Variants in CNTNAP2 observed in about 807,000 individuals in gnomAD.
CNTNAP2 encodes the protein contactin associated protein 2, also known as contactin-associated protein-like 2.
A neutral mutation model predicts 155.2 loss-of-function variants in CNTNAP2; 98 were observed. That is an observed-to-expected ratio of 0.63 (90% CI 0.54 to 0.75). The LOEUF (loss-of-function observed/expected upper bound fraction) is 0.75. CNTNAP2 is among the 30% of genes least tolerant of loss of function. The pLI is 0.00. For missense variants in CNTNAP2, 1,727 were observed against 1,688.1 expected (o/e 1.02, Z -0.40); for synonymous variants, 651 against 631.2 (o/e 1.03, Z -0.47).
At chr7:146,581,483 A>T (rs1798609802) in intron 1 of CNTNAP2, among the ~76,000 whole-genome samples, 1 of 152,138 alleles carries the variant, frequency 6.6e-6, no homozygotes, top group Admixed American at 6.6e-5. Flanking sequence ...GAAAACAATA[A>T]TATTTTAACT....
chr7:148,293,903 C>G (rs147305406), intron 21 of CNTNAP2, among the ~76,000 whole-genome samples: 1 of 151,708 alleles, frequency 6.6e-6, no homozygotes, highest in African/African-American at 2.4e-5. Context: ...GTCATGGTGG[C>G]GCATTACTAT....
chr7:146,359,256 G>A (rs530175849), intron 1 of CNTNAP2, among the ~76,000 whole-genome samples: 10 of 152,372 alleles, frequency 6.6e-5, no homozygotes, highest in African/African-American at 2.2e-4. Context: ...AGTCTGGGAA[G>A]TTGAGGAAAA....
intron 10 of CNTNAP2, among the ~76,000 whole-genome samples, chr7:147,432,872 T>C (rs2116532047): frequency 6.6e-6 from 1 of 152,308 alleles, no homozygotes; most frequent in Middle Eastern, 3.4e-3. Context: ...GCTGTGCTGC[T>C]TTCCTTCACT....
rs1798301918 is a variant in CNTNAP2, at chr7:147,817,998, G to A, written c.2099-85567G>A. Among the ~76,000 whole-genome samples, 4 of 151,496 alleles carry A rather than the reference G, an allele frequency of 2.6e-5. No homozygotes were observed. In the South Asian group the frequency reaches 6.2e-4, roughly 24 times the overall value. Reference sequence around the variant, plus strand: ...ATGAATCTAAATGATGAGTTTATGGGGATTCATTATATCATCTTTTCTGTA... The same window carrying A: ...ATGAATCTAAATGATGAGTTTATGGAGATTCATTATATCATCTTTTCTGTA... On this transcript the variant is annotated intron_variant, in intron 13 of 23. Coordinates refer to ENST00000361727, the MANE Select transcript of CNTNAP2 (RefSeq NM_014141.6).
chr7:147,204,214 C>T (rs1340838182), intron 8 of CNTNAP2, among the ~76,000 whole-genome samples: 2 of 151,502 alleles, frequency 1.3e-5, no homozygotes, highest in Non-Finnish European at 2.9e-5. Flanking sequence ...AAAATATATG[C>T]ATATAGAATA....
At chr7:147,323,346 T>G (rs1795388762) in intron 9 of CNTNAP2, among the ~76,000 whole-genome samples, 1 of 124,492 alleles carries the variant, frequency 8.0e-6, no homozygotes, top group Non-Finnish European at 1.6e-5. Flanking sequence ...CAGTAGTCAT[T>G]CAGGAGCAGG....
At chr7:148,217,056 T>A (rs894905311) in intron 18 of CNTNAP2, among the ~76,000 whole-genome samples, 2 of 152,206 alleles carry the variant, frequency 1.3e-5, no homozygotes, top group African/African-American at 4.8e-5. Flanking sequence ...GTCTCTGGTA[T>A]GTCTTTATTA....
chr7:146,449,618 C>G (rs1459640999), intron 1 of CNTNAP2, among the ~76,000 whole-genome samples: 1 of 152,122 alleles, frequency 6.6e-6, no homozygotes, highest in Non-Finnish European at 1.5e-5. Flanking sequence ...GTAGCCCTAG[C>G]TAGCCCTTTG....
At chr7:146,653,644 T>C (rs972448368) in intron 1 of CNTNAP2, among the ~76,000 whole-genome samples, 1 of 152,194 alleles carries the variant, frequency 6.6e-6, no homozygotes, top group Non-Finnish European at 1.5e-5. Context: ...AGGAAAAATG[T>C]TCCAATTCAA....
At chr7:147,146,942 T>C (rs748695215) in intron 8 of CNTNAP2, among the ~76,000 whole-genome samples, 3 of 152,224 alleles carry the variant, frequency 2.0e-5, no homozygotes, top group Non-Finnish European at 4.4e-5. Context: ...AGAAGCTTAA[T>C]TTCTTGTTTT....
Position 147,404,015 on chromosome 7 carries a change from G to A in CNTNAP2, c.1670+8235G>A, listed in dbSNP as rs143944573. 4.0e-3 allele frequency among the ~76,000 whole-genome samples: 601 copies of A among 152,070 alleles called. 4 individuals are homozygous for A. The highest frequency in any genetic ancestry group is 6.6e-3 in the Non-Finnish European group (446 of 68,000). ...TGTTAATGTCATCATTTAAGCTGGCGTCAAACTGTGCAGGCATTTCTCTTA... is the reference window on the plus strand; with the variant it reads ...TGTTAATGTCATCATTTAAGCTGGCATCAAACTGTGCAGGCATTTCTCTTA... On this transcript the variant is annotated intron_variant, in intron 10 of 23. Coordinates refer to ENST00000361727, the MANE Select transcript of CNTNAP2 (RefSeq NM_014141.6).
At chr7:147,080,159 A>G (rs551969696) in intron 4 of CNTNAP2, among the ~76,000 whole-genome samples, 5 of 152,158 alleles carry the variant, frequency 3.3e-5, no homozygotes, top group Non-Finnish European at 7.3e-5. Flanking sequence ...TTTGTTTGCT[A>G]TAAACTTGAT....
chr7:146,275,970 C>T (rs1386715425), intron 1 of CNTNAP2, among the ~76,000 whole-genome samples: 3 of 152,114 alleles, frequency 2.0e-5, no homozygotes, highest in Admixed American at 6.6e-5. Flanking sequence ...GGGTCAAGGC[C>T]GTGGATACTA....
At chr7:146,407,724 T>C (rs1298783708) in intron 1 of CNTNAP2, among the ~76,000 whole-genome samples, 1 of 152,126 alleles carries the variant, frequency 6.6e-6, no homozygotes, top group Non-Finnish European at 1.5e-5. Context: ...CAGTTGACTC[T>C]TGAACAACCT....
chr7:148,387,648 C>A (rs1799243143), intron 22 of CNTNAP2, among the ~76,000 whole-genome samples: 1 of 152,036 alleles, frequency 6.6e-6, no homozygotes, highest in Non-Finnish European at 1.5e-5. Context: ...AGCATGGTTC[C>A]CAGGTGACTT....
At chr7:146,166,134 C>G (rs1253860335) in intron 1 of CNTNAP2, among the ~76,000 whole-genome samples, 2 of 152,120 alleles carry the variant, frequency 1.3e-5, no homozygotes, top group Non-Finnish European at 2.9e-5. Flanking sequence ...ACTCTTGTTG[C>G]CCAGGCTGGA....
Position 146,721,639 on chromosome 7 carries a change from T to C in CNTNAP2, c.98-52632T>C, listed in dbSNP as rs181236466. Among the ~76,000 whole-genome samples, 747 of 89,768 alleles carry C rather than the reference T, an allele frequency of 8.3e-3. 5 individuals carry two copies. The highest frequency in any genetic ancestry group is 0.027 in the African/African-American group (277 of 10,346). 58.9% of individuals were successfully genotyped at this position (89,768 alleles called of 152,430 possible). On this transcript the variant is annotated intron_variant, in intron 1 of 23. Coordinates refer to ENST00000361727, the MANE Select transcript of CNTNAP2 (RefSeq NM_014141.6). ...ATATATTCTATATACATTCTATATA[T>C]ATTCTATATATATTCTATATACATT...
chr7:146,715,332 C>A (rs996405156), intron 1 of CNTNAP2, among the ~76,000 whole-genome samples: 1 of 152,042 alleles, frequency 6.6e-6, no homozygotes, highest in Non-Finnish European at 1.5e-5. Context: ...AACTCCATCT[C>A]AAGAAAACAA....
intron 11 of CNTNAP2, among the ~76,000 whole-genome samples, chr7:147,504,110 T>C (rs566263729): frequency 8.9e-4 from 135 of 152,302 alleles, no homozygotes; most frequent in Non-Finnish European, 1.6e-3. Context: ...CATTTCCAAC[T>C]CTCAGAGCAC....
Sources: allele counts gnomAD v4.1 joint callset (sites outside exome capture counted in the v4.1 genomes callset), GRCh38; gene constraint gnomAD v4.1.1; transcripts MANE v1.5; gene names NCBI Gene and HGNC (gene_info 2026-07-23, HGNC 2026-07-21).